RNF144B: variants seen among roughly 807,000 people sequenced by gnomAD.
The protein encoded by RNF144B is ring finger protein 144B, also known as E3 ubiquitin-protein ligase RNF144B.
In RNF144B, 25 loss-of-function variants were observed where a neutral mutation model predicts 40.2. The observed-to-expected ratio is 0.62, with a 90% CI of 0.45 to 0.87. The LOEUF is 0.87. Ranked by LOEUF, RNF144B falls within the 40% of genes least tolerant of loss-of-function variation. The pLI is 0.00. For missense variants in RNF144B, 365 were observed against 373.7 expected (o/e 0.98, Z 0.19); for synonymous variants, 145 against 136.3 (o/e 1.06, Z -0.44).
chr6:18,449,989 C>T (rs1397301279), intron 4 of RNF144B, among the ~76,000 whole-genome samples: 1 of 152,158 alleles, frequency 6.6e-6, no homozygotes, highest in Non-Finnish European at 1.5e-5. Flanking sequence ...ATTCTTTGTG[C>T]TTTCAGACAG....
chr6:18,409,714 G>T (rs1024170118), intron 2 of RNF144B, among the ~76,000 whole-genome samples: 7 of 151,792 alleles, frequency 4.6e-5, no homozygotes, highest in Admixed American at 4.6e-4. Flanking sequence ...GGGATTACAG[G>T]CAGGTGCCAT....
chr6:18,442,472 C>T lies in RNF144B; in HGVS notation c.331+2728C>T, dbSNP rs940149433. 2.6e-5 allele frequency among the ~76,000 whole-genome samples: 4 copies of T among 152,160 alleles called. No individual in the cohort carries two copies. The highest frequency in any genetic ancestry group is 1.9e-4 in the East Asian group (1 of 5,198). On this transcript the variant is annotated intron_variant, in intron 4 of 7. Coordinates refer to ENST00000259939, the MANE Select transcript of RNF144B (RefSeq NM_182757.4). The surrounding 1 kb of genome is among the most constrained non-coding windows in gnomAD (Gnocchi z 4.3). ...GAAAACAGGACAGATTGAGACTTGC[C>T]TAGGACCACATAGACTGTGGCTAAC...
Position 18,416,519 on chromosome 6 carries a change from G to T in RNF144B, c.166-11062G>T, listed in dbSNP as rs906588022. Among the ~76,000 whole-genome samples the T allele has an allele frequency of 1.3e-5, 2 of 152,144 alleles. No homozygotes were observed. The highest frequency in any genetic ancestry group is 2.4e-5 in the African/African-American group (1 of 41,434). ...AAGATAGACGTGTTTGATCACTCTTGGTTGGTGGGAACTGGAGGTACTTTT... is the reference window on the plus strand; with the variant it reads ...AAGATAGACGTGTTTGATCACTCTTTGTTGGTGGGAACTGGAGGTACTTTT... On this transcript the variant is annotated intron_variant, in intron 2 of 7. Coordinates refer to ENST00000259939, the MANE Select transcript of RNF144B (RefSeq NM_182757.4). This position sits in a 1 kb window ranked among gnomAD's most constrained non-coding sequence, Gnocchi z 5.5.
chr6:18,413,207 AT>A (rs76486773), intron 2 of RNF144B, among the ~76,000 whole-genome samples: 1 of 151,988 alleles, frequency 6.6e-6, no homozygotes, highest in African/African-American at 2.4e-5. Context: ...TGGTTCCTAA[AT>A]TTTTTTTGTT....
rs188346402 is a variant in RNF144B at position 18,416,899 on chromosome 6, A to G, written c.166-10682A>G. ...TCACTTCAAGAGTTTAAAAATATTG[A>G]TAACAGTTCAGCAAGGTGGCAGAAT... On this transcript the variant is annotated intron_variant, in intron 2 of 7. Coordinates refer to ENST00000259939, the MANE Select transcript of RNF144B (RefSeq NM_182757.4). The surrounding 1 kb of genome is among the most constrained non-coding windows in gnomAD (Gnocchi z 5.5). 7.2e-4 allele frequency among the ~76,000 whole-genome samples: 110 copies of G among 152,294 alleles called. No individual in the cohort carries two copies. Among genetic ancestry groups the G allele is most frequent in the African/African-American group, 2.4e-3 (98 of 41,566 alleles).
intron 2 of RNF144B, 26 bp from the exon 3 acceptor site, chr6:18,427,555 A>G (rs780601532): frequency 1.0e-5 from 16 of 1,536,120 alleles, no homozygotes; most frequent in South Asian, 2.3e-5. Flanking sequence ...GGAATGGGCA[A>G]TTGTCTTTTT....
chr6:18,413,969 A>T lies in RNF144B; in HGVS notation c.166-13612A>T, dbSNP rs1795097041. The stretch of plus-strand genomic sequence containing the variant: ...GGTTCAAATTATGTCAATTAATATG[A>T]AAAAAGCCCACTCAATATGAAGCCC... On this transcript the variant is annotated intron_variant, in intron 2 of 7. Coordinates refer to ENST00000259939, the MANE Select transcript of RNF144B (RefSeq NM_182757.4). Among the ~76,000 whole-genome samples, 3 of 152,152 alleles carry T rather than the reference A, an allele frequency of 2.0e-5. No homozygotes were observed. The South Asian group carries it at 6.2e-4, about 32-fold the overall frequency.
At position 18,419,755 on chromosome 6, in the gene RNF144B, T is replaced by C. The variant is rs1023193578; in HGVS notation, c.166-7826T>C. 3.3e-5 allele frequency among the ~76,000 whole-genome samples: 5 copies of C among 151,958 alleles called. No homozygotes were observed. Among genetic ancestry groups the C allele is most frequent in the Non-Finnish European group, 5.9e-5 (4 of 67,988 alleles). On this transcript the variant is annotated intron_variant, in intron 2 of 7. Coordinates refer to ENST00000259939, the MANE Select transcript of RNF144B (RefSeq NM_182757.4). This position sits in a 1 kb window ranked among gnomAD's most constrained non-coding sequence, Gnocchi z 4.6. The stretch of plus-strand genomic sequence containing the variant: ...GAGGGAAGACAACTCTTTCAAACAT[T>C]TGATTGTGAAGAGTTGAGGAGTGAA...
rs1056737373 is a variant in RNF144B at position 18,405,221 on chromosome 6, T to A, written c.165+5522T>A. Among the ~76,000 whole-genome samples the A allele has an allele frequency of 6.6e-6, 1 of 151,828 alleles. No homozygotes were observed. Among genetic ancestry groups the A allele is most frequent in the Admixed American group, 6.6e-5 (1 of 15,234 alleles). ...TGGAGTCTTGCTCTGTTGCCCAGGC[T>A]GGAGTGCAGTGGCACAATCTCGGCT... On this transcript the variant is annotated intron_variant, in intron 2 of 7. Coordinates refer to ENST00000259939, the MANE Select transcript of RNF144B (RefSeq NM_182757.4). This position sits in a 1 kb window ranked among gnomAD's most constrained non-coding sequence, Gnocchi z 4.5.
intron 2 of RNF144B, among the ~76,000 whole-genome samples, chr6:18,409,874 A>G (rs1232977418): frequency 2.0e-5 from 3 of 152,146 alleles, no homozygotes; most frequent in South Asian, 2.1e-4. Flanking sequence ...CCCGGCCTAC[A>G]TAACATTTTT....
chr6:18,431,627 A>G (rs1758698059), intron 3 of RNF144B, among the ~76,000 whole-genome samples: 2 of 152,256 alleles, frequency 1.3e-5, no homozygotes, highest in African/African-American at 4.8e-5. Context: ...CAGGTAACAC[A>G]TAAATATACT....
intron 2 of RNF144B, among the ~76,000 whole-genome samples, chr6:18,421,810 C>G (rs1161491185): frequency 6.6e-6 from 1 of 152,140 alleles, no homozygotes; most frequent in Non-Finnish European, 1.5e-5. Flanking sequence ...GCTGGGTGTG[C>G]TGCCACACTA....
At chr6:18,440,765 G>C (rs893676157) in intron 4 of RNF144B, among the ~76,000 whole-genome samples, 3 of 150,646 alleles carry the variant, frequency 2.0e-5, no homozygotes, top group Non-Finnish European at 3.0e-5. Context: ...TGGTCTTATA[G>C]GAGAATAACA....
At chr6:18,431,746 G>A (rs1231363248) in intron 3 of RNF144B, among the ~76,000 whole-genome samples, 1 of 152,214 alleles carries the variant, frequency 6.6e-6, no homozygotes, top group African/African-American at 2.4e-5. Flanking sequence ...ATGCATTTAA[G>A]TCTAACATTT....
At chr6:18,462,467 T>C (rs1759476860) in intron 6 of RNF144B, among the ~76,000 whole-genome samples, 1 of 152,220 alleles carries the variant, frequency 6.6e-6, no homozygotes, top group African/African-American at 2.4e-5. Flanking sequence ...CTTAAATGCC[T>C]GTGTTCAGCA....
chr6:18,399,509 G>A lies in RNF144B; in HGVS notation c.-26G>A. 1.9e-6 allele frequency: 3 copies of A among 1,612,344 alleles called. No homozygotes were observed. Among genetic ancestry groups the A allele is most frequent in the Non-Finnish European group, 2.5e-6 (3 of 1,178,816 alleles). ...TGGACCTTTCTATAGGGATTGAGGA[G>A]ACTGAAGAATGCTGAAGACAGGCTG... On this transcript the variant is annotated 5_prime_UTR_variant, in exon 2 of 8. Coordinates refer to ENST00000259939, the MANE Select transcript of RNF144B (RefSeq NM_182757.4).
chr6:18,410,417 T>G lies in RNF144B; in HGVS notation c.165+10718T>G, dbSNP rs1362422287. Among the ~76,000 whole-genome samples the G allele has an allele frequency of 6.6e-6, 1 of 152,100 alleles. No individual in the cohort carries two copies. Among genetic ancestry groups the G allele is most frequent in the Non-Finnish European group, 1.5e-5 (1 of 68,010 alleles). On this transcript the variant is annotated intron_variant, in intron 2 of 7. Transcript: ENST00000259939. The surrounding 1 kb of genome is among the most constrained non-coding windows in gnomAD (Gnocchi z 4.6). ...GTTATAAAGCATACAGAAACCCACC[T>G]AAAATAGACTCAGGGAGGTAGGAGG...
rs1759524376 is a variant in RNF144B, at chr6:18,464,055, G to A, written c.771+675G>A. The stretch of plus-strand genomic sequence containing the variant: ...ACAATTCAAGATGAGATTTGGGTGG[G>A]GACACAGCCAAACCATATCAGGCAG... On this transcript the variant is annotated intron_variant, in intron 7 of 7. Coordinates refer to ENST00000259939, the MANE Select transcript of RNF144B (RefSeq NM_182757.4). The surrounding 1 kb of genome is among the most constrained non-coding windows in gnomAD (Gnocchi z 6.1). 6.6e-6 allele frequency among the ~76,000 whole-genome samples: 1 copy of A among 152,066 alleles called. No homozygotes were observed. The highest frequency in any genetic ancestry group is 2.4e-5 in the African/African-American group (1 of 41,404).
intron 4 of RNF144B, among the ~76,000 whole-genome samples, chr6:18,449,563 T>C (rs1759161707): frequency 6.6e-6 from 1 of 152,144 alleles, no homozygotes. Flanking sequence ...TTAATATTTT[T>C]AGCTCTATTC....
Sources: gnomAD v4.1 joint callset for allele counts (sites outside exome capture counted in the v4.1 genomes callset) on GRCh38, gnomAD v4.1.1 for gene constraint, Gnocchi (gnomAD v3.1) non-coding constraint, MANE v1.5 for transcripts, NCBI Gene and HGNC (gene_info 2026-07-23, HGNC 2026-07-21) for gene names.